MAF: variants seen among roughly 807,000 people sequenced by gnomAD.
The protein encoded by MAF is transcription factor Maf.
MAF carries 10 observed loss-of-function variants against 22.0 expected under a neutral mutation model. That is an observed-to-expected ratio of 0.45 (90% CI 0.28 to 0.77). MAF has a LOEUF of 0.77. MAF is among the 30% of genes least tolerant of loss of function. The pLI, the probability that MAF is intolerant of heterozygous loss-of-function variation, is 0.12. For missense variants in MAF, 544 were observed against 548.4 expected (o/e 0.99, Z 0.08); for synonymous variants, 337 against 255.8 (o/e 1.32, Z -3.03).
chr16:79,542,315 C>T, the MAF span, among the ~76,000 whole-genome samples: 1 of 152,134 alleles, frequency 6.6e-6, no homozygotes, highest in African/African-American at 2.4e-5. Flanking sequence ...CTCTCGCTAG[C>T]TAGGTCTGGT....
chr16:79,597,563 C>A, intron 1 of MAF: 1 of 1,022,984 alleles, frequency 9.8e-7, no homozygotes, highest in Non-Finnish European at 1.2e-6. Flanking sequence ...ACAAGGAATG[C>A]CTTCAGTGCA....
the MAF span, among the ~76,000 whole-genome samples, chr16:79,431,818 A>G: frequency 3.9e-5 from 6 of 152,212 alleles, no homozygotes; most frequent in African/African-American, 1.2e-4. Context: ...CTGAGAGGGA[A>G]TCACAAAACC....
the MAF span, among the ~76,000 whole-genome samples, chr16:79,540,321 A>C: frequency 6.6e-6 from 1 of 151,932 alleles, no homozygotes; most frequent in Non-Finnish European, 1.5e-5. Flanking sequence ...ATGAGAGCTC[A>C]GTAACTCTGC....
the MAF span, among the ~76,000 whole-genome samples, chr16:79,281,710 C>A: frequency 6.6e-6 from 1 of 152,130 alleles, no homozygotes; most frequent in East Asian, 1.9e-4. Context: ...CCACGCCTAG[C>A]TAATTTTTGT....
chr16:79,446,476 G>C, the MAF span, among the ~76,000 whole-genome samples: 53 of 152,156 alleles, frequency 3.5e-4, no homozygotes, highest in African/African-American at 1.3e-3. Flanking sequence ...CCCTGTTTGG[G>C]TGATAAATTA....
chr16:79,488,721 G>T, the MAF span, among the ~76,000 whole-genome samples: 1 of 152,262 alleles, frequency 6.6e-6, no homozygotes. Flanking sequence ...AATTTATCCT[G>T]TGTCTTGCTA....
chr16:79,215,979 C>G, the MAF span, among the ~76,000 whole-genome samples: 1 of 152,212 alleles, frequency 6.6e-6, no homozygotes, highest in Non-Finnish European at 1.5e-5. Flanking sequence ...GCCATTTTCT[C>G]TTGCCAGACA....
At chr16:79,512,989 C>T in the MAF span, among the ~76,000 whole-genome samples, 1 of 152,362 alleles carries the variant, frequency 6.6e-6, no homozygotes, top group Admixed American at 6.5e-5. Flanking sequence ...CTGCTCAACT[C>T]ATGTGACCAC....
the MAF span, among the ~76,000 whole-genome samples, chr16:79,350,924 T>A: frequency 6.6e-6 from 1 of 150,992 alleles, no homozygotes; most frequent in East Asian, 1.9e-4. Context: ...CAAGGTCTCT[T>A]AGACTTACTA....
the MAF span, among the ~76,000 whole-genome samples, chr16:79,302,412 T>C: frequency 6.6e-6 from 1 of 152,192 alleles, no homozygotes; most frequent in Non-Finnish European, 1.5e-5. Context: ...AAAACGACTC[T>C]TTTCTGCCAC....
At chr16:79,400,607 C>T in the MAF span, among the ~76,000 whole-genome samples, 1 of 152,190 alleles carries the variant, frequency 6.6e-6, no homozygotes, top group Non-Finnish European at 1.5e-5. Context: ...CACGGGTTTC[C>T]CAGGAGGCGA....
At chr16:79,284,168 G>A in the MAF span, among the ~76,000 whole-genome samples, 35 of 152,200 alleles carry the variant, frequency 2.3e-4, no homozygotes, top group African/African-American at 8.2e-4. Flanking sequence ...CAAGCTTTGC[G>A]CCCAGGAGCT....
the MAF span, among the ~76,000 whole-genome samples, chr16:79,369,415 T>C: frequency 3.9e-5 from 6 of 152,240 alleles, no homozygotes; most frequent in African/African-American, 1.4e-4. Flanking sequence ...CTATCTGCTA[T>C]GTTTAGACAA....
chr16:79,272,120 G>A, the MAF span, among the ~76,000 whole-genome samples: 1 of 152,190 alleles, frequency 6.6e-6, no homozygotes, highest in African/African-American at 2.4e-5. Context: ...TGCCTAGTGG[G>A]CAGCAGGCGG....
At chr16:79,295,864 A>C in the MAF span, among the ~76,000 whole-genome samples, 2 of 152,224 alleles carry the variant, frequency 1.3e-5, no homozygotes, top group African/African-American at 4.8e-5. Context: ...TGAGAAACTG[A>C]AGCCACGTTC....
At chr16:79,552,769 C>T in the MAF span, among the ~76,000 whole-genome samples, 71 of 152,156 alleles carry the variant, frequency 4.7e-4, no homozygotes, top group African/African-American at 1.7e-3. Context: ...CTGGGAGGGG[C>T]ATTTTTTTCT....
At chr16:79,437,318 T>C in the MAF span, among the ~76,000 whole-genome samples, 1 of 152,030 alleles carries the variant, frequency 6.6e-6, no homozygotes, top group Non-Finnish European at 1.5e-5. Context: ...GATTAAATAA[T>C]CCCCCGTGTA....
the MAF span, among the ~76,000 whole-genome samples, chr16:79,564,216 G>T: frequency 6.6e-6 from 1 of 152,260 alleles, no homozygotes; most frequent in South Asian, 2.1e-4. Context: ...GCAATTTTTT[G>T]TTTTGTTTTG....
At chr16:79,373,683 G>C in the MAF span, among the ~76,000 whole-genome samples, 1 of 151,938 alleles carries the variant, frequency 6.6e-6, no homozygotes, top group African/African-American at 2.4e-5. Context: ...CAGCCTGGTA[G>C]CTTCATAAGA....
Sources: gnomAD v4.1 joint callset for allele counts (sites outside exome capture counted in the v4.1 genomes callset) on GRCh38, gnomAD v4.1.1 for gene constraint, MANE v1.5 for transcripts, NCBI Gene and HGNC (gene_info 2026-07-23, HGNC 2026-07-21) for gene names.